Variants in AIG1 observed in about 807,000 individuals in gnomAD.
AIG1 encodes the protein androgen-induced gene 1 protein.
AIG1 carries 23 observed loss-of-function variants against 31.4 expected under a neutral mutation model. That is an observed-to-expected ratio of 0.73 (90% CI 0.53 to 1.04). The LOEUF is 1.04. Among genes scored for constraint, AIG1 ranks in the 50% least tolerant of loss-of-function variants. AIG1 has a pLI of 0.00. For synonymous variants in AIG1, 100 were observed against 110.5 expected (o/e 0.90, Z 0.60); for missense variants, 274 against 295.0 (o/e 0.93, Z 0.52).
In AIG1 at chr6:143,280,210, G is replaced by A. The variant is rs1797248966; in HGVS notation, c.400-3900G>A. 1.3e-5 allele frequency among the ~76,000 whole-genome samples: 2 copies of A among 152,180 alleles called. No homozygotes were observed. Among genetic ancestry groups the A allele is most frequent in the Admixed American group, 1.3e-4 (2 of 15,270 alleles). ...TGTCATCATACCACTAGAAAGCTCT[G>A]ACTTTCAAAAAGTAACAGATGCTGG... On this transcript the variant is annotated intron_variant, in intron 3 of 5. Transcript: ENST00000357847. The surrounding 1 kb of genome is among the most constrained non-coding windows in gnomAD (Gnocchi z 4.1).
chr6:143,086,405 CT>C (rs991923601), intron 1 of AIG1, among the ~76,000 whole-genome samples: 1 of 150,910 alleles, frequency 6.6e-6, no homozygotes, highest in African/African-American at 2.5e-5. Flanking sequence ...TCTCTTTCCC[CT>C]CTCTCTCTCT....
At chr6:143,121,872 G>A (rs939441773) in intron 1 of AIG1, among the ~76,000 whole-genome samples, 4 of 151,916 alleles carry the variant, frequency 2.6e-5, no homozygotes, top group East Asian at 1.9e-4. Flanking sequence ...GTTTTTCCTC[G>A]CTATCTTTAA....
chr6:143,134,196 A>C (rs1783519162), intron 1 of AIG1, among the ~76,000 whole-genome samples: 1 of 152,066 alleles, frequency 6.6e-6, no homozygotes, highest in African/African-American at 2.4e-5. Context: ...TAAGAAATAA[A>C]ATATTATTTG....
intron 1 of AIG1, among the ~76,000 whole-genome samples, chr6:143,128,046 T>C (rs1782852837): frequency 6.6e-6 from 1 of 152,076 alleles, no homozygotes; most frequent in Non-Finnish European, 1.5e-5. Flanking sequence ...TAAAAGCAAT[T>C]CTGGATAAAT....
Position 143,085,936 on chromosome 6 carries a change from A to C in AIG1, c.141+24870A>C, listed in dbSNP as rs9399419. On this transcript the variant is annotated intron_variant, in intron 1 of 5. Transcript: ENST00000357847. ...TGCTGGGTTAAGGGAATTTTCAGTGATTAATGTTAAATCAACTTTTTCTAA... is the reference window on the plus strand; with the variant it reads ...TGCTGGGTTAAGGGAATTTTCAGTGCTTAATGTTAAATCAACTTTTTCTAA... Among the ~76,000 whole-genome samples, 776 of 152,162 alleles carry C rather than the reference A, an allele frequency of 5.1e-3. 7 individuals carry two copies. Among genetic ancestry groups the C allele is most frequent in the African/African-American group, 0.018 (730 of 41,484 alleles).
intron 2 of AIG1, among the ~76,000 whole-genome samples, chr6:143,157,664 C>T (rs1785927956): frequency 6.6e-6 from 1 of 152,040 alleles, no homozygotes; most frequent in Non-Finnish European, 1.5e-5. Flanking sequence ...ATGTGACTTT[C>T]AGTTTTATTT....
chr6:143,180,400 T>C (rs1410802498), intron 3 of AIG1, among the ~76,000 whole-genome samples: 1 of 152,200 alleles, frequency 6.6e-6, no homozygotes, highest in Non-Finnish European at 1.5e-5. Context: ...CATTTTCAGT[T>C]TGACAAGGAG....
At chr6:143,319,042 A>T (rs937197587) in intron 4 of AIG1, among the ~76,000 whole-genome samples, 2 of 152,192 alleles carry the variant, frequency 1.3e-5, no homozygotes, top group African/African-American at 4.8e-5. Flanking sequence ...GTAAACTAGT[A>T]CAACCACTAT....
At chr6:143,210,565 T>C (rs1406765607) in intron 3 of AIG1, among the ~76,000 whole-genome samples, 1 of 152,224 alleles carries the variant, frequency 6.6e-6, no homozygotes, top group African/African-American at 2.4e-5. Flanking sequence ...GTAAACCCTC[T>C]GTGTACTTGA....
intron 1 of AIG1, among the ~76,000 whole-genome samples, chr6:143,078,701 G>T (rs1478306606): frequency 6.6e-6 from 1 of 152,132 alleles, no homozygotes; most frequent in Non-Finnish European, 1.5e-5. Context: ...CTTGAGAACA[G>T]TATGGAGGAA....
intron 3 of AIG1, among the ~76,000 whole-genome samples, chr6:143,213,055 GACCCCTAAATAGCCCCTTGAAT>G (rs903943558): frequency 1.1e-4 from 16 of 152,096 alleles, no homozygotes; most frequent in African/African-American, 3.6e-4. Flanking sequence ...TATCAAAATG[GACCCCTAAATAGCCCCTTGAAT>G]ACTCTGAAGT....
At chr6:143,313,085 A>G (rs1775437784) in intron 4 of AIG1, among the ~76,000 whole-genome samples, 1 of 152,174 alleles carries the variant, frequency 6.6e-6, no homozygotes, top group Non-Finnish European at 1.5e-5. Flanking sequence ...GAGAAAAGGG[A>G]ACCCTTGTCC....
At chr6:143,232,926 T>A (rs1214667168) in intron 3 of AIG1, among the ~76,000 whole-genome samples, 1 of 152,092 alleles carries the variant, frequency 6.6e-6, no homozygotes, top group South Asian at 2.1e-4. Flanking sequence ...CCTTTCAGAG[T>A]CACACTGGCC....
rs927600166 is a variant in AIG1, at chr6:143,262,616, C to T, written c.400-21494C>T. ...GGATTCTTACAGATTCCTACAATGA[C>T]GAAAGGGATTTTACGCAGGATCAGA... is the stretch of plus-strand genomic sequence containing the variant. On this transcript the variant is annotated intron_variant, in intron 3 of 5. Coordinates refer to ENST00000357847, the MANE Select transcript of AIG1 (RefSeq NM_016108.4). Among the ~76,000 whole-genome samples, 15 of 151,822 alleles carry T rather than the reference C, an allele frequency of 9.9e-5. No individual in the cohort carries two copies. In the East Asian group the frequency reaches 1.2e-3, roughly 12 times the overall value.
chr6:143,224,934 T>TGCC (rs1471742307), intron 3 of AIG1, among the ~76,000 whole-genome samples: 3 of 152,220 alleles, frequency 2.0e-5, no homozygotes, highest in Admixed American at 1.3e-4. Context: ...AACCATTCTC[T>TGCC]GCCTCAAGAC....
At chr6:143,252,384 G>C (rs1486340958) in intron 3 of AIG1, among the ~76,000 whole-genome samples, 1 of 152,174 alleles carries the variant, frequency 6.6e-6, no homozygotes, top group Non-Finnish European at 1.5e-5. Flanking sequence ...GCCTCCCAAA[G>C]TGCTGGGATT....
intron 3 of AIG1, among the ~76,000 whole-genome samples, chr6:143,235,062 A>G (rs180749840): frequency 6.6e-6 from 1 of 152,244 alleles, no homozygotes; most frequent in Non-Finnish European, 1.5e-5. Flanking sequence ...TCTGTCATTC[A>G]TTGAAGGCCC....
intron 3 of AIG1, among the ~76,000 whole-genome samples, chr6:143,193,861 A>C (rs1370463121): frequency 1.3e-5 from 2 of 152,240 alleles, no homozygotes; most frequent in Non-Finnish European, 2.9e-5. Flanking sequence ...GGAAGGGCAT[A>C]CTGAAGGTTA....
chr6:143,306,226 T>C (rs1395871026), intron 4 of AIG1, among the ~76,000 whole-genome samples: 1 of 152,038 alleles, frequency 6.6e-6, no homozygotes, highest in East Asian at 1.9e-4. Context: ...TCCATTTACA[T>C]TTAAAGTTAA....
Sources: gnomAD v4.1 joint callset for allele counts (sites outside exome capture counted in the v4.1 genomes callset) on GRCh38, gnomAD v4.1.1 for gene constraint, Gnocchi (gnomAD v3.1) non-coding constraint, MANE v1.5 for transcripts, NCBI Gene and HGNC (gene_info 2026-07-23, HGNC 2026-07-21) for gene names.